Variants in NLRP3 observed in about 807,000 individuals in gnomAD.
The protein encoded by NLRP3 is NLR family pyrin domain containing 3, also known as NACHT, LRR and PYD domains-containing protein 3.
In NLRP3, 48 loss-of-function variants were observed where a neutral mutation model predicts 91.3. The ratio of observed to expected loss-of-function variants is 0.53; its 90% CI spans 0.42 to 0.67. The LOEUF is 0.67. Among genes scored for constraint, NLRP3 ranks in the 30% least tolerant of loss-of-function variants. NLRP3 has a pLI of 0.00. For missense variants in NLRP3, 982 were observed against 1,276.9 expected, an observed-to-expected ratio of 0.77 and a Z score of 3.52; for synonymous variants, 561 against 507.9, an observed-to-expected ratio of 1.10 and a Z score of -1.41.
chr1:247,438,168 T>C (rs757567688), intron 7 of NLRP3, among the ~76,000 whole-genome samples: 1 of 152,182 alleles, frequency 6.6e-6, no homozygotes, highest in Non-Finnish European at 1.5e-5. Flanking sequence ...GGCTGGGTCC[T>C]TATAGGTCGT....
chr1:247,435,623 G>A (rs79759189), intron 6 of NLRP3, among the ~76,000 whole-genome samples: 2,255 of 152,298 alleles, frequency 0.015, 63 homozygotes, highest in African/African-American at 0.052. Context: ...GATGAAAGGA[G>A]TTCTGGAGAT....
At chr1:247,421,102 A>G (rs1356226077) in intron 2 of NLRP3, among the ~76,000 whole-genome samples, 2 of 152,222 alleles carry the variant, frequency 1.3e-5, no homozygotes, top group Non-Finnish European at 1.5e-5. Flanking sequence ...AAATTCTCTT[A>G]ATCCCCATGT....
At chr1:247,439,017 A>C (rs150798393) in intron 7 of NLRP3, among the ~76,000 whole-genome samples, 2 of 13,534 alleles carry the variant, frequency 1.5e-4, no homozygotes, top group Middle Eastern at 0.045. Context: ...TCCATCCGTC[A>C]ATCCATCCAT....
chr1:247,441,127 TTCTCTTTC>T lies in NLRP3; in HGVS notation c.2664-2843_2664-2836del, dbSNP rs1340069611. Among the ~76,000 whole-genome samples, 477 of 127,182 alleles carry T rather than the reference TTCTCTTTC, an allele frequency of 3.8e-3. 2 individuals carry two copies. Among genetic ancestry groups the T allele is most frequent in the Non-Finnish European group, 5.8e-3 (364 of 62,348 alleles). 83.4% of individuals were successfully genotyped at this position (127,182 alleles called of 152,430 possible). On this transcript the variant is annotated intron_variant, in intron 7 of 9. Coordinates refer to ENST00000336119, the MANE Select transcript of NLRP3 (RefSeq NM_001243133.2). ...CTCCTTTCTTTCTCTCTTTTTCTTT[TTCTCTTTC>T]TTTCTTTCTTTCTCTCTCTCTCTCT... is the stretch of plus-strand genomic sequence containing the variant.
chr1:247,436,241 G>A (rs1250745729), intron 7 of NLRP3, 101 bp downstream of exon 7: 5 of 1,128,718 alleles, frequency 4.4e-6, no homozygotes, highest in Non-Finnish European at 6.6e-6. Flanking sequence ...CAGAGCTGAA[G>A]GTAGAGTAAG....
rs1205496292 is a variant in NLRP3, at chr1:247,443,997, G to A, written c.2689G>A (p.Val897Ile). The A allele has an allele frequency of 6.2e-7, 1 of 1,614,136 alleles. No homozygotes were observed. Among genetic ancestry groups the A allele is most frequent in the East Asian group, 2.2e-5 (1 of 44,880 alleles). Residue 897 changes from valine (V) to isoleucine (I), a missense_variant, in exon 8 of 10, where the codon GTC becomes ATC. Val to Ile is a conservative substitution (Grantham distance 29, BLOSUM62 3). This residue lies in a region of NLRP3 where 373 missense variants were observed against 431.5 expected (regional missense o/e 0.86). Transcript: ENST00000336119. The stretch of plus-strand genomic sequence containing the variant: ...GTTGGTGAATTCTGGCCTTACGTCA[G>A]TCTGTTGTTCAGCTTTGTCCTCGGT... ...LGLVNSGLTS[V>I]CCSALSSVLS...
chr1:247,442,057 G>T (rs900806963), intron 7 of NLRP3, among the ~76,000 whole-genome samples: 2 of 152,236 alleles, frequency 1.3e-5, no homozygotes, highest in Non-Finnish European at 2.9e-5. Context: ...ACAACCCTCT[G>T]ATAGAATTCT....
intron 1 of NLRP3, among the ~76,000 whole-genome samples, chr1:247,417,275 T>C (rs181639629): frequency 5.6e-4 from 86 of 152,276 alleles, no homozygotes; most frequent in African/African-American, 2.0e-3. Flanking sequence ...GCAGGCTTCC[T>C]AGTCCCCCTA....
chr1:247,438,927 C>A (rs983979783), intron 7 of NLRP3, among the ~76,000 whole-genome samples: 1 of 152,128 alleles, frequency 6.6e-6, no homozygotes, highest in African/African-American at 2.4e-5. Context: ...ACCATCCAGA[C>A]TTTTTTTAAT....
intron 1 of NLRP3, among the ~76,000 whole-genome samples, chr1:247,417,330 A>G (rs1662129772): frequency 6.6e-6 from 1 of 152,182 alleles, no homozygotes; most frequent in South Asian, 2.1e-4. Flanking sequence ...GAATAGGTGC[A>G]CCTCATAGAG....
intron 7 of NLRP3, 116 bp downstream of exon 7, chr1:247,436,256 T>C: frequency 1.0e-6 from 1 of 954,178 alleles, no homozygotes; most frequent in Non-Finnish European, 1.6e-6. Flanking sequence ...AGTAAGGAGG[T>C]AAAAACATCA....
chr1:247,425,249 G>A lies in NLRP3; in HGVS notation c.1800G>A (p.Gln600=), dbSNP rs1018524884. 5 of 1,614,132 alleles carry A rather than the reference G, an allele frequency of 3.1e-6. No homozygotes were observed. Among genetic ancestry groups the A allele is most frequent in the East Asian group, 2.2e-5 (1 of 44,892 alleles). The part of the protein sequence containing the change: ...LEKKLSCKIS[Q]QIRLELLKWI... The stretch of plus-strand genomic sequence containing the variant: ...AGAAATTAAGTTGCAAGATCTCTCA[G>A]CAAATCAGGCTGGAGCTGCTGAAAT... The change falls in exon 4 of 10, where the codon CAG becomes CAA. Residue 600 remains glutamine (Q), a synonymous_variant. Coordinates refer to ENST00000336119, the MANE Select transcript of NLRP3 (RefSeq NM_001243133.2). This position sits in a 1 kb window ranked among gnomAD's most constrained non-coding sequence, Gnocchi z 4.1.
At chr1:247,422,229 A>G (rs1239640742) in intron 2 of NLRP3, among the ~76,000 whole-genome samples, 2 of 151,958 alleles carry the variant, frequency 1.3e-5, no homozygotes, top group Non-Finnish European at 2.9e-5. Flanking sequence ...AAATGCAAAC[A>G]TTAGTTAGGT....
chr1:247,420,337 A>G (rs1662366375), intron 2 of NLRP3, among the ~76,000 whole-genome samples: 1 of 152,096 alleles, frequency 6.6e-6, no homozygotes. Flanking sequence ...ATGATTTACA[A>G]ATATTTTCTC....
chr1:247,434,023 G>A, intron 5 of NLRP3, 80 bp from the exon 6 acceptor site: 1 of 1,097,150 alleles, frequency 9.1e-7, no homozygotes, highest in East Asian at 2.6e-5. Flanking sequence ...CTGATCAGGT[G>A]TGTCCTGATG....
intron 7 of NLRP3, among the ~76,000 whole-genome samples, chr1:247,438,046 C>T (rs1663920087): frequency 6.6e-6 from 1 of 152,178 alleles, no homozygotes; most frequent in African/African-American, 2.4e-5. Flanking sequence ...ATTGTCAATA[C>T]CTAACCTGGT....
intron 1 of NLRP3, among the ~76,000 whole-genome samples, chr1:247,417,090 C>T (rs1384302483): frequency 6.6e-6 from 1 of 152,150 alleles, no homozygotes; most frequent in East Asian, 1.9e-4. Flanking sequence ...GTTGGGAAGA[C>T]TATGTTGGTG....
At position 247,418,986 on chromosome 1, in the gene NLRP3, G is replaced by A. The variant is rs1398096424; in HGVS notation, c.186G>A (p.Glu62=). Residue 62 remains glutamate (E), a synonymous_variant, in exon 2 of 10, where the codon GAG becomes GAA. Transcript: ENST00000336119. ...CGCTAATGATCGACTTCAATGGGGA[G>A]GAGAAGGCGTGGGCCATGGCCGTGT... ...LATLMIDFNG[E]EKAWAMAVWI... The A allele has an allele frequency of 1.2e-6, 2 of 1,614,132 alleles. No homozygotes were observed. The highest frequency in any genetic ancestry group is 2.2e-5 in the East Asian group (1 of 44,876).
intron 2 of NLRP3, 78 bp downstream of exon 2, chr1:247,419,155 TATATATA>T: frequency 1.1e-6 from 1 of 933,718 alleles, no homozygotes; most frequent in Non-Finnish European, 1.4e-6. Flanking sequence ...TATATATATA[TATATATA>T]TATTTTTTTT....
Sources: gnomAD v4.1 joint callset for allele counts (sites outside exome capture counted in the v4.1 genomes callset) on GRCh38, gnomAD v4.1.1 for gene constraint, gnomAD v4.1.1 regional missense constraint, Gnocchi (gnomAD v3.1) non-coding constraint, MANE v1.5 for transcripts, NCBI Gene and HGNC (gene_info 2026-07-23, HGNC 2026-07-21) for gene names.